The following ADAM19 variants were observed in gnomAD, a reference collection of about 807,000 sequenced individuals.
ADAM19 encodes ADAM metallopeptidase domain 19.
In ADAM19, 65 loss-of-function variants were observed where a neutral mutation model predicts 114.7. That is an observed-to-expected ratio of 0.57 (90% CI 0.46 to 0.70). ADAM19 has a LOEUF of 0.70. Among genes scored for constraint, ADAM19 ranks in the 30% least tolerant of loss-of-function variants. ADAM19 has a pLI of 0.00. For synonymous variants in ADAM19, 466 were observed against 460.5 expected, an observed-to-expected ratio of 1.01 and a Z score of -0.15; for missense variants, 1,063 against 1,204.7, an observed-to-expected ratio of 0.88 and a Z score of 1.74.
intron 20 of ADAM19, 70 bp from the exon 21 acceptor site, chr5:157,488,559 G>A: frequency 2.3e-6 from 3 of 1,278,664 alleles, no homozygotes; most frequent in Non-Finnish European, 3.2e-6. Flanking sequence ...GTCTCTTTGA[G>A]ATAAACCAGA....
intron 11 of ADAM19, among the ~76,000 whole-genome samples, chr5:157,505,289 G>A (rs920046643): frequency 6.6e-6 from 1 of 152,000 alleles, no homozygotes; most frequent in East Asian, 1.9e-4. Flanking sequence ...AGTGAAGCCT[G>A]GAATTGAAAC....
rs1754683483 is a variant in ADAM19, at chr5:157,479,446, T to A, written c.*1503A>T. 7 of 985,874 alleles carry A rather than the reference T, an allele frequency of 7.1e-6. No individual in the cohort carries two copies. Among genetic ancestry groups the A allele is most frequent in the East Asian group, 1.1e-4 (1 of 8,790 alleles). The allele number at this position is 985,874 out of a possible 1,614,324, so 61.1% of individuals were successfully genotyped here. On this transcript the variant is annotated 3_prime_UTR_variant, in exon 23 of 23. Coordinates refer to ENST00000257527, the MANE Select transcript of ADAM19 (RefSeq NM_033274.5). ...TCAGAGGAGTGAGAGTCAGGCCAGC[T>A]CCTGTCCGGAGAGCCACCCAGCACC...
intron 19 of ADAM19, 99 bp downstream of exon 19, chr5:157,490,211 A>G: frequency 7.1e-7 from 1 of 1,400,250 alleles, no homozygotes; most frequent in African/African-American, 1.4e-5. Flanking sequence ...TCTTCCCTGA[A>G]TTAGACCCAC....
At chr5:157,508,738 C>G (rs1331241982) in intron 9 of ADAM19, among the ~76,000 whole-genome samples, 1 of 152,134 alleles carries the variant, frequency 6.6e-6, no homozygotes, top group Non-Finnish European at 1.5e-5. Context: ...ACATGTGACC[C>G]CCATCACTGT....
chr5:157,566,645 T>C (rs1471384345), intron 2 of ADAM19: 1 of 152,200 alleles, frequency 6.6e-6, no homozygotes, highest in Non-Finnish European at 1.5e-5. Flanking sequence ...AACAGATTCT[T>C]TGGAGTGTTT....
At chr5:157,568,887 C>T (rs1203811762) in intron 2 of ADAM19, 1 of 152,114 alleles carries the variant, frequency 6.6e-6, no homozygotes, top group Non-Finnish European at 1.5e-5. Context: ...CTGACTATTC[C>T]TACAGAATAC....
At chr5:157,528,941 A>C (rs1756548787) in intron 5 of ADAM19, among the ~76,000 whole-genome samples, 1 of 152,230 alleles carries the variant, frequency 6.6e-6, no homozygotes, top group Admixed American at 6.5e-5. Context: ...TGAAAAATGC[A>C]ATCATTGAAT....
In ADAM19 at chr5:157,553,902, T is replaced by C. The variant is rs1203714501; in HGVS notation, c.251+10471A>G. Among the ~76,000 whole-genome samples the C allele has an allele frequency of 3.3e-5, 5 of 152,308 alleles. No individual in the cohort carries two copies. The East Asian group carries it at 9.6e-4, about 29-fold the overall frequency. On this transcript the variant is annotated intron_variant, in intron 3 of 22. Coordinates refer to ENST00000257527, the MANE Select transcript of ADAM19 (RefSeq NM_033274.5). Reference sequence around the variant, plus strand: ...AGTATATAAAGTACGATACCATGCATTTAAAAACTCTATAACTTGTTTAAT... The same window carrying C: ...AGTATATAAAGTACGATACCATGCACTTAAAAACTCTATAACTTGTTTAAT...
chr5:157,570,947 T>G lies in ADAM19; in HGVS notation c.128A>C (p.His43Pro). The G allele has an allele frequency of 6.2e-7, 1 of 1,614,206 alleles. No homozygotes were observed. Among genetic ancestry groups the G allele is most frequent in the African/African-American group, 1.3e-5 (1 of 75,068 alleles). Residue 43 changes from histidine to proline, a missense_variant, in exon 2 of 23, where the codon CAT becomes CCT. His to Pro is a moderately conservative substitution (Grantham distance 77). Coordinates refer to ENST00000257527, the MANE Select transcript of ADAM19 (RefSeq NM_033274.5). ...CTTCCACTGAGGTATGATAAGTTCATGCTGCAGCTTGGGGCTGCCTTCCTC... is the reference window on the plus strand; with the variant it reads ...CTTCCACTGAGGTATGATAAGTTCAGGCTGCAGCTTGGGGCTGCCTTCCTC... ...GSEEGSPKLQHELIIPQWKTS... is the reference protein window; with the variant it reads ...GSEEGSPKLQPELIIPQWKTS...
Position 157,481,388 on chromosome 5 carries a change from C to T in ADAM19, c.2704-386G>A, listed in dbSNP as rs1235994747. 5.0e-6 allele frequency: 3 copies of T among 595,658 alleles called. No homozygotes were observed. The East Asian group carries it at 8.5e-5, about 17-fold the overall frequency. The allele number at this position is 595,658 out of a possible 1,614,324, so 36.9% of individuals were successfully genotyped here. On this transcript the variant is annotated intron_variant, in intron 22 of 22. Transcript: ENST00000257527. ...CACACAGAAGAAGTACGAGGAGGGG[C>T]CAAGTGTACACAGCCTCCCGCAGGC...
At position 157,479,154 on chromosome 5, in the gene ADAM19, G is replaced by A. The variant is rs1411863941; in HGVS notation, c.*1795C>T. 6 of 985,762 alleles carry A rather than the reference G, an allele frequency of 6.1e-6. No individual in the cohort carries two copies. Among genetic ancestry groups the A allele is most frequent in the Non-Finnish European group, 7.2e-6 (6 of 829,982 alleles). The allele number at this position is 985,762 out of a possible 1,614,324, so 61.1% of individuals were successfully genotyped here. A position where few individuals can be genotyped will look rare whatever the true frequency, so the allele number is the denominator to read the frequency against. On this transcript the variant is annotated 3_prime_UTR_variant, in exon 23 of 23. Transcript: ENST00000257527. ...GGATGACCCACGGCAAGGACATGGG[G>A]AACCTGTATCACAGCCACCCTGAGG...
intron 4 of ADAM19, among the ~76,000 whole-genome samples, chr5:157,534,071 T>C (rs756534203): frequency 6.6e-6 from 1 of 152,194 alleles, no homozygotes; most frequent in African/African-American, 2.4e-5. Context: ...CAGCCCTAGT[T>C]CTCTCGAAAA....
chr5:157,530,440 C>G (rs921475803), intron 5 of ADAM19, among the ~76,000 whole-genome samples: 1 of 152,206 alleles, frequency 6.6e-6, no homozygotes, highest in African/African-American at 2.4e-5. Flanking sequence ...TCCCTCTGCC[C>G]GCTGACCAAC....
At chr5:157,539,889 T>A (rs1486929117) in intron 3 of ADAM19, among the ~76,000 whole-genome samples, 1 of 152,224 alleles carries the variant, frequency 6.6e-6, no homozygotes, top group Non-Finnish European at 1.5e-5. Context: ...ACTTAACTAG[T>A]TACCGAATGA....
intron 2 of ADAM19, chr5:157,568,193 G>C (rs150490975): frequency 6.6e-6 from 1 of 152,200 alleles, no homozygotes; most frequent in African/African-American, 2.4e-5. Flanking sequence ...GGCTGGTCTT[G>C]AACTCCTGAC....
intron 13 of ADAM19, 100 bp from the exon 14 acceptor site, chr5:157,497,189 T>C: frequency 1.8e-6 from 2 of 1,114,818 alleles, no homozygotes; most frequent in South Asian, 4.2e-5. Context: ...AACAGAATTT[T>C]CCATTACCAT....
At position 157,478,895 on chromosome 5, in the gene ADAM19, T is replaced by C; in HGVS notation, c.*2054A>G. 2 of 985,732 alleles carry C rather than the reference T, an allele frequency of 2.0e-6. No individual in the cohort carries two copies. Among genetic ancestry groups the C allele is most frequent in the Non-Finnish European group, 2.4e-6 (2 of 829,940 alleles). The allele number at this position is 985,732 out of a possible 1,614,324, so 61.1% of individuals were successfully genotyped here. A position where few individuals can be genotyped will look rare whatever the true frequency, so the allele number is the denominator to read the frequency against. Reference sequence around the variant, plus strand: ...CTGTGGCGCTGTCATTTCAGAGCTATCTACCTCCTGATGTGAGGGAGAAAG... The same window carrying C: ...CTGTGGCGCTGTCATTTCAGAGCTACCTACCTCCTGATGTGAGGGAGAAAG... On this transcript the variant is annotated 3_prime_UTR_variant, in exon 23 of 23. Coordinates refer to ENST00000257527, the MANE Select transcript of ADAM19 (RefSeq NM_033274.5).
At chr5:157,545,324 G>A (rs1181794008) in intron 3 of ADAM19, among the ~76,000 whole-genome samples, 1 of 152,048 alleles carries the variant, frequency 6.6e-6, no homozygotes, top group African/African-American at 2.4e-5. Context: ...CTCCCCTCTC[G>A]TTGCATTGCT....
intron 5 of ADAM19, among the ~76,000 whole-genome samples, chr5:157,527,157 C>T (rs72811318): frequency 0.085 from 12,932 of 152,176 alleles, 664 homozygotes; most frequent in Middle Eastern, 0.17. Flanking sequence ...AAAGCAAGCA[C>T]CTTCTTCACA....
Sources: allele counts gnomAD v4.1 joint callset (sites outside exome capture counted in the v4.1 genomes callset), GRCh38; gene constraint gnomAD v4.1.1; transcripts MANE v1.5; gene names NCBI Gene and HGNC (gene_info 2026-07-23, HGNC 2026-07-21).